Variants in SGCZ observed in about 807,000 individuals in gnomAD.
SGCZ encodes zeta-sarcoglycan.
Under a neutral mutation model 41.3 loss-of-function variants are expected in SGCZ, and 40 were observed. The ratio of observed to expected loss-of-function variants is 0.97; its 90% CI spans 0.75 to 1.26. SGCZ has a LOEUF of 1.26. Ranked by LOEUF, SGCZ falls within the 50% of genes most tolerant of loss-of-function variation. The probability of loss-of-function intolerance (pLI) is 0.00; values close to 1 mark genes in which losing one functional copy is unlikely to be tolerated. For synonymous variants in SGCZ, 206 were observed against 137.5 expected (o/e 1.50, Z -3.49); for missense variants, 552 against 369.8 (o/e 1.49, Z -4.04).
chr8:14,956,203 C>T (rs1398632982), intron 1 of SGCZ, among the ~76,000 whole-genome samples: 1 of 151,902 alleles, frequency 6.6e-6, no homozygotes, highest in Admixed American at 6.6e-5. Context: ...CCACACCTAG[C>T]TAATTTTTGT....
intron 1 of SGCZ, among the ~76,000 whole-genome samples, chr8:15,156,959 AG>A (rs1385286244): frequency 1.0e-4 from 15 of 150,590 alleles, no homozygotes; most frequent in African/African-American, 3.4e-4. Context: ...AAAAAAAAAA[AG>A]AAAAGAAAAA....
intron 5 of SGCZ, among the ~76,000 whole-genome samples, chr8:14,153,938 C>A (rs1463278272): frequency 6.8e-6 from 1 of 147,696 alleles, no homozygotes; most frequent in Non-Finnish European, 1.5e-5. Flanking sequence ...CACACACACA[C>A]AGACACACAC....
chr8:14,853,070 T>C (rs1803395206), intron 1 of SGCZ, among the ~76,000 whole-genome samples: 1 of 152,200 alleles, frequency 6.6e-6, no homozygotes, highest in Non-Finnish European at 1.5e-5. Flanking sequence ...GGCCTTTGCA[T>C]GTGTGCATTA....
At chr8:15,155,917 G>A (rs1303910380) in intron 1 of SGCZ, among the ~76,000 whole-genome samples, 1 of 151,976 alleles carries the variant, frequency 6.6e-6, no homozygotes, top group Non-Finnish European at 1.5e-5. Context: ...AATCAGTCAG[G>A]TGTAGTGGCG....
At chr8:15,111,856 C>T (rs771946313) in intron 1 of SGCZ, among the ~76,000 whole-genome samples, 6 of 151,196 alleles carry the variant, frequency 4.0e-5, no homozygotes, top group Non-Finnish European at 7.4e-5. Flanking sequence ...GCCGAGATTA[C>T]ACCACCGCAC....
At chr8:14,293,176 T>C (rs1464208318) in intron 3 of SGCZ, among the ~76,000 whole-genome samples, 1 of 152,006 alleles carries the variant, frequency 6.6e-6, no homozygotes, top group Non-Finnish European at 1.5e-5. Context: ...ACCAAAAGAA[T>C]ATGTGATAAA....
At chr8:14,367,992 G>T (rs952945277) in intron 2 of SGCZ, among the ~76,000 whole-genome samples, 3 of 152,024 alleles carry the variant, frequency 2.0e-5, no homozygotes, top group Non-Finnish European at 4.4e-5. Context: ...GGATGTTACT[G>T]GGAGTTTTAT....
chr8:14,906,757 CAAT>C (rs1799130445), intron 1 of SGCZ, among the ~76,000 whole-genome samples: 1 of 152,140 alleles, frequency 6.6e-6, no homozygotes, highest in Non-Finnish European at 1.5e-5. Context: ...TGGAGACCAA[CAAT>C]GAGATGCTTA....
intron 5 of SGCZ, among the ~76,000 whole-genome samples, chr8:14,123,140 C>T (rs911584702): frequency 2.6e-5 from 4 of 152,094 alleles, no homozygotes; most frequent in African/African-American, 4.8e-5. Flanking sequence ...TAAAACTTAA[C>T]GTACATTTTA....
intron 1 of SGCZ, among the ~76,000 whole-genome samples, chr8:15,170,100 G>A (rs775714325): frequency 6.6e-6 from 1 of 151,526 alleles, no homozygotes; most frequent in Non-Finnish European, 1.5e-5. Flanking sequence ...AAAACTTTCT[G>A]TCAATATGAT....
intron 3 of SGCZ, among the ~76,000 whole-genome samples, chr8:14,288,219 A>C (rs777947572): frequency 3.3e-5 from 5 of 152,094 alleles, no homozygotes; most frequent in Non-Finnish European, 4.4e-5. Flanking sequence ...TTTAATTATT[A>C]ATCTCTTAAA....
intron 1 of SGCZ, among the ~76,000 whole-genome samples, chr8:15,070,663 A>G (rs1353880941): frequency 6.6e-6 from 1 of 152,170 alleles, no homozygotes; most frequent in Non-Finnish European, 1.5e-5. Flanking sequence ...CAGGGATGTT[A>G]CTTAAAGAGC....
chr8:15,193,854 T>C (rs772314191), intron 1 of SGCZ, among the ~76,000 whole-genome samples: 1 of 152,150 alleles, frequency 6.6e-6, no homozygotes, highest in Non-Finnish European at 1.5e-5. Context: ...ACTTATTTTT[T>C]ACATTTATAA....
At chr8:15,018,902 G>T (rs935143310) in intron 1 of SGCZ, among the ~76,000 whole-genome samples, 5 of 152,236 alleles carry the variant, frequency 3.3e-5, no homozygotes, top group African/African-American at 1.2e-4. Context: ...AGGAAGAAGG[G>T]ATGTCTGGGG....
At chr8:15,156,818 C>A (rs1262241761) in intron 1 of SGCZ, among the ~76,000 whole-genome samples, 2 of 151,696 alleles carry the variant, frequency 1.3e-5, no homozygotes, top group Non-Finnish European at 2.9e-5. Flanking sequence ...GTGGTGGATG[C>A]CTTGTAATCC....
chr8:14,935,287 A>G lies in SGCZ; in HGVS notation c.39+302298T>C, dbSNP rs114110343. 2.8e-3 allele frequency among the ~76,000 whole-genome samples: 418 copies of G among 151,820 alleles called. 6 individuals carry two copies. The highest frequency in any genetic ancestry group is 9.7e-3 in the African/African-American group (402 of 41,400). On this transcript the variant is annotated intron_variant, in intron 1 of 7. Coordinates refer to ENST00000382080, the MANE Select transcript of SGCZ (RefSeq NM_139167.4). ...TCACATGTATCCTTTTGCAACTTCC[A>G]TTATTTGCTTAATACTACATTTGTG...
intron 2 of SGCZ, among the ~76,000 whole-genome samples, chr8:14,477,893 T>C: frequency 6.6e-6 from 1 of 152,194 alleles, no homozygotes; most frequent in East Asian, 1.9e-4. Flanking sequence ...AATATACAGT[T>C]AACTTTTATC....
At chr8:14,626,313 C>A (rs1227798099) in intron 1 of SGCZ, among the ~76,000 whole-genome samples, 1 of 152,068 alleles carries the variant, frequency 6.6e-6, no homozygotes, top group African/African-American at 2.4e-5. Flanking sequence ...CCTCCCCCAA[C>A]CCCCTCAACA....
chr8:14,572,582 T>G (rs1804587532), intron 1 of SGCZ, among the ~76,000 whole-genome samples: 1 of 152,112 alleles, frequency 6.6e-6, no homozygotes, highest in Non-Finnish European at 1.5e-5. Flanking sequence ...TTGCAAGAAC[T>G]AGCAGGGGCA....
Sources: allele counts gnomAD v4.1 joint callset (sites outside exome capture counted in the v4.1 genomes callset), GRCh38; gene constraint gnomAD v4.1.1; transcripts MANE v1.5; gene names NCBI Gene and HGNC (gene_info 2026-07-23, HGNC 2026-07-21).